Variants in C1QTNF3 observed in about 807,000 individuals in gnomAD.
The protein encoded by C1QTNF3 is complement C1q tumor necrosis factor-related protein 3.
In C1QTNF3, 26 loss-of-function variants were observed where a neutral mutation model predicts 32.6. That is an observed-to-expected ratio of 0.80 (90% confidence interval 0.58 to 1.11). The LOEUF (loss-of-function observed/expected upper bound fraction) is 1.11, where lower values mean the gene tolerates loss of function less well. Ranked by LOEUF, C1QTNF3 falls within the 50% of genes least tolerant of loss-of-function variation. The pLI, the probability that C1QTNF3 is intolerant of heterozygous loss-of-function variation, is 0.00. For synonymous variants in C1QTNF3, 155 were observed against 146.0 expected (o/e 1.06, Z -0.44); for missense variants, 362 against 398.2 (o/e 0.91, Z 0.77).
At chr5:34,035,810 A>T in intron 1 of C1QTNF3, 52 bp from the exon 2 acceptor site, 1 of 1,404,610 alleles carries the variant, frequency 7.1e-7, no homozygotes, top group Non-Finnish European at 9.9e-7. Flanking sequence ...GTGAGCAATT[A>T]GGATTTTTAA....
chr5:34,120,207 G>A, the C1QTNF3 span, among the ~76,000 whole-genome samples: 2 of 152,188 alleles, frequency 1.3e-5, no homozygotes, highest in African/African-American at 4.8e-5. Flanking sequence ...TGGCATTCAT[G>A]CATGTTTCAG....
At chr5:34,097,268 A>C in the C1QTNF3 span, among the ~76,000 whole-genome samples, 1 of 151,922 alleles carries the variant, frequency 6.6e-6, no homozygotes, top group African/African-American at 2.4e-5. Flanking sequence ...TACTTGTTTG[A>C]ACATTCACCA....
the C1QTNF3 span, among the ~76,000 whole-genome samples, chr5:34,153,853 T>TAAAA: frequency 1.8e-4 from 6 of 32,874 alleles, no homozygotes; most frequent in East Asian, 6.4e-4. Context: ...ACTTAGAGTA[T>TAAAA]AAAAAAAAAA....
the C1QTNF3 span, among the ~76,000 whole-genome samples, chr5:34,154,285 T>C: frequency 2.6e-5 from 4 of 152,246 alleles, no homozygotes; most frequent in African/African-American, 9.6e-5. Context: ...ATCTGGGATG[T>C]ACAAAATCAA....
At chr5:34,032,585 C>A (rs895579585) in intron 3 of C1QTNF3, among the ~76,000 whole-genome samples, 5 of 152,102 alleles carry the variant, frequency 3.3e-5, no homozygotes, top group Non-Finnish European at 7.4e-5. Flanking sequence ...TCACTTCAGG[C>A]CAGGAATTTG....
At chr5:34,132,807 C>T in the C1QTNF3 span, among the ~76,000 whole-genome samples, 15 of 152,100 alleles carry the variant, frequency 9.9e-5, no homozygotes, top group African/African-American at 3.6e-4. Flanking sequence ...TGGATATGGG[C>T]TCTGTAACTA....
chr5:34,058,543 C>A, the C1QTNF3 span, among the ~76,000 whole-genome samples: 1 of 152,164 alleles, frequency 6.6e-6, no homozygotes, highest in Admixed American at 6.5e-5. Context: ...AATGTAATAG[C>A]CTTCAGCCCA....
chr5:34,163,302 A>C, the C1QTNF3 span, among the ~76,000 whole-genome samples: 1 of 152,096 alleles, frequency 6.6e-6, no homozygotes, highest in African/African-American at 2.4e-5. Context: ...TATCTATATA[A>C]CAAACCTTCG....
the C1QTNF3 span, among the ~76,000 whole-genome samples, chr5:34,061,350 G>T: frequency 6.6e-6 from 1 of 152,116 alleles, no homozygotes; most frequent in Non-Finnish European, 1.5e-5. Flanking sequence ...AGCTGTCAGT[G>T]AATCTACCAT....
the C1QTNF3 span, among the ~76,000 whole-genome samples, chr5:34,213,768 C>CGT: frequency 2.6e-5 from 2 of 75,836 alleles, no homozygotes; most frequent in African/African-American, 4.6e-5. Context: ...TACACACACA[C>CGT]ACATACGTGT....
chr5:34,146,000 C>T, the C1QTNF3 span, among the ~76,000 whole-genome samples: 175 of 152,198 alleles, frequency 1.1e-3, 1 homozygote, highest in Middle Eastern at 0.01. Context: ...CATCACAAAA[C>T]ATAGGTCAAA....
At chr5:34,221,625 G>C in the C1QTNF3 span, among the ~76,000 whole-genome samples, 2 of 152,086 alleles carry the variant, frequency 1.3e-5, no homozygotes, top group Admixed American at 6.6e-5. Flanking sequence ...AGCTGAAGAT[G>C]ATGAAGAGAA....
At chr5:34,174,671 A>G in the C1QTNF3 span, among the ~76,000 whole-genome samples, 1 of 152,232 alleles carries the variant, frequency 6.6e-6, no homozygotes, top group Admixed American at 6.5e-5. Context: ...CTAAGAAGGA[A>G]TGGGAAACAT....
the C1QTNF3 span, among the ~76,000 whole-genome samples, chr5:34,147,701 C>T: frequency 6.6e-6 from 1 of 152,012 alleles, no homozygotes; most frequent in African/African-American, 2.4e-5. Context: ...AATTGAAAAA[C>T]TACTTATCAT....
the C1QTNF3 span, among the ~76,000 whole-genome samples, chr5:34,223,532 C>T: frequency 6.6e-6 from 1 of 151,556 alleles, no homozygotes; most frequent in Non-Finnish European, 1.5e-5. Flanking sequence ...TGGGTATATA[C>T]CCAGTAATGG....
the C1QTNF3 span, among the ~76,000 whole-genome samples, chr5:34,159,957 A>C: frequency 6.6e-6 from 1 of 152,190 alleles, no homozygotes; most frequent in Non-Finnish European, 1.5e-5. Flanking sequence ...TTCTAAACAA[A>C]AGATCATTAA....
chr5:34,092,820 CTT>C, the C1QTNF3 span, among the ~76,000 whole-genome samples: 1 of 151,884 alleles, frequency 6.6e-6, no homozygotes. Flanking sequence ...ACTTTTCTCT[CTT>C]GATTTTCTCA....
At chr5:34,114,627 T>TG in the C1QTNF3 span, among the ~76,000 whole-genome samples, 1 of 152,178 alleles carries the variant, frequency 6.6e-6, no homozygotes, top group Non-Finnish European at 1.5e-5. Context: ...ACTTTTTTTT[T>TG]GTTTTACCAT....
chr5:34,185,526 T>C, the C1QTNF3 span, among the ~76,000 whole-genome samples: 2 of 152,306 alleles, frequency 1.3e-5, no homozygotes, highest in Admixed American at 1.3e-4. Flanking sequence ...TTCTTGGACT[T>C]GTGAATGCTA....
Sources: allele counts gnomAD v4.1 joint callset (sites outside exome capture counted in the v4.1 genomes callset), GRCh38; gene constraint gnomAD v4.1.1; transcripts MANE v1.5; gene names NCBI Gene and HGNC (gene_info 2026-07-23, HGNC 2026-07-21).